The following CNTNAP2 variants were observed in gnomAD, a reference collection of about 807,000 sequenced individuals.
CNTNAP2 encodes the protein contactin-associated protein-like 2.
A neutral mutation model predicts 155.2 loss-of-function variants in CNTNAP2; 98 were observed. The observed-to-expected ratio is 0.63, with a 90% CI of 0.54 to 0.75. CNTNAP2 has a LOEUF of 0.75. CNTNAP2 is among the 30% of genes least tolerant of loss of function. The pLI is 0.00. For synonymous variants in CNTNAP2, 651 were observed against 631.2 expected (o/e 1.03, Z -0.47); for missense variants, 1,727 against 1,688.1 (o/e 1.02, Z -0.40).
chr7:146,648,331 G>A (rs144233295), intron 1 of CNTNAP2, among the ~76,000 whole-genome samples: 177 of 152,130 alleles, frequency 1.2e-3, no homozygotes, highest in African/African-American at 4.0e-3. Flanking sequence ...AGAAGTGAAC[G>A]TTTTCAAACT....
intron 9 of CNTNAP2, among the ~76,000 whole-genome samples, chr7:147,339,431 G>A (rs1484636867): frequency 6.6e-6 from 1 of 151,948 alleles, no homozygotes; most frequent in Non-Finnish European, 1.5e-5. Context: ...CTCCTCTTCT[G>A]CTTTCCACCA....
At chr7:146,501,420 C>T (rs1457184996) in intron 1 of CNTNAP2, among the ~76,000 whole-genome samples, 1 of 151,670 alleles carries the variant, frequency 6.6e-6, no homozygotes, top group Non-Finnish European at 1.5e-5. Flanking sequence ...CTAATTTTAC[C>T]TTTCTTCTTG....
intron 9 of CNTNAP2, among the ~76,000 whole-genome samples, chr7:147,303,814 C>T (rs1794983296): frequency 1.3e-5 from 2 of 152,196 alleles, no homozygotes; most frequent in South Asian, 4.1e-4. Flanking sequence ...TTGAGCCTTT[C>T]TTTTAACTCT....
chr7:147,238,160 GC>G (rs988438105), intron 8 of CNTNAP2, among the ~76,000 whole-genome samples: 3 of 152,066 alleles, frequency 2.0e-5, no homozygotes, highest in Non-Finnish European at 2.9e-5. Flanking sequence ...GACTACAGGC[GC>G]CCGCCACCAC....
intron 3 of CNTNAP2, among the ~76,000 whole-genome samples, chr7:146,884,391 G>A (rs1331989305): frequency 6.6e-6 from 1 of 152,128 alleles, no homozygotes; most frequent in Non-Finnish European, 1.5e-5. Flanking sequence ...TTGACAGGTA[G>A]CAATGGAATA....
chr7:146,514,285 C>A (rs563611354), intron 1 of CNTNAP2, among the ~76,000 whole-genome samples: 10 of 151,984 alleles, frequency 6.6e-5, no homozygotes, highest in Non-Finnish European at 1.2e-4. Context: ...TCTGGGTTTG[C>A]AAAGTTTTCT....
chr7:147,100,036 T>C (rs981936729), intron 4 of CNTNAP2, among the ~76,000 whole-genome samples: 5 of 152,220 alleles, frequency 3.3e-5, no homozygotes, highest in Non-Finnish European at 7.3e-5. Flanking sequence ...ATAACCCTGC[T>C]TAGAAATAGA....
At chr7:147,536,104 C>A (rs1799532863) in intron 11 of CNTNAP2, among the ~76,000 whole-genome samples, 1 of 152,190 alleles carries the variant, frequency 6.6e-6, no homozygotes, top group African/African-American at 2.4e-5. Context: ...CTACCCAAGA[C>A]AACTTTTAAA....
intron 1 of CNTNAP2, among the ~76,000 whole-genome samples, chr7:146,437,992 T>C (rs1357866693): frequency 6.6e-6 from 1 of 151,332 alleles, no homozygotes; most frequent in Non-Finnish European, 1.5e-5. Flanking sequence ...CCAGGGGTTG[T>C]TATGGAACAG....
intron 13 of CNTNAP2, among the ~76,000 whole-genome samples, chr7:147,871,796 C>T (rs144063573): frequency 5.3e-5 from 8 of 151,954 alleles, no homozygotes; most frequent in African/African-American, 9.6e-5. Context: ...CCGAATAGTT[C>T]GGGAATTTAT....
intron 13 of CNTNAP2, among the ~76,000 whole-genome samples, chr7:147,857,526 A>C (rs2116679675): frequency 1.3e-5 from 2 of 152,348 alleles, no homozygotes; most frequent in South Asian, 4.1e-4. Flanking sequence ...CATCAAAATA[A>C]ACCTGATAAA....
At chr7:147,993,873 C>T (rs1053779093) in intron 15 of CNTNAP2, among the ~76,000 whole-genome samples, 2 of 152,068 alleles carry the variant, frequency 1.3e-5, no homozygotes, top group Non-Finnish European at 2.9e-5. Context: ...CTCCTTCCTA[C>T]CTGTTTCCTT....
At chr7:147,027,051 A>C (rs1306998518) in intron 3 of CNTNAP2, among the ~76,000 whole-genome samples, 2 of 151,450 alleles carry the variant, frequency 1.3e-5, no homozygotes, top group South Asian at 4.2e-4. Context: ...TGCTTTGGAT[A>C]ACATTTTATG....
rs1585103285 is a variant in CNTNAP2 at position 146,814,781 on chromosome 7, G to A, written c.209-24930G>A. Among the ~76,000 whole-genome samples, 5 of 152,200 alleles carry A rather than the reference G, an allele frequency of 3.3e-5. No homozygotes were observed. The South Asian group carries it at 1.0e-3, about 32-fold the overall frequency. On this transcript the variant is annotated intron_variant, in intron 2 of 23. Coordinates refer to ENST00000361727, the MANE Select transcript of CNTNAP2 (RefSeq NM_014141.6). ...GTCACCCCAAAGAAATACAAATACA[G>A]TGTATTAGGTATGCAATATCCGCTT...
At chr7:147,524,435 G>C (rs572314138) in intron 11 of CNTNAP2, among the ~76,000 whole-genome samples, 1 of 152,166 alleles carries the variant, frequency 6.6e-6, no homozygotes, top group Admixed American at 6.5e-5. Context: ...CCCTGGCACT[G>C]TGCTAGGTCC....
chr7:148,127,591 T>A (rs1223786704), intron 16 of CNTNAP2, among the ~76,000 whole-genome samples: 1 of 152,216 alleles, frequency 6.6e-6, no homozygotes, highest in Non-Finnish European at 1.5e-5. Flanking sequence ...GATGCAGCCT[T>A]ATGCAATATA....
chr7:146,306,598 A>G (rs909840412), intron 1 of CNTNAP2, among the ~76,000 whole-genome samples: 7 of 152,176 alleles, frequency 4.6e-5, no homozygotes, highest in Non-Finnish European at 7.4e-5. Flanking sequence ...CAACATACAC[A>G]AATCAATAAA....
chr7:147,731,495 A>C (rs1255034291), intron 13 of CNTNAP2, among the ~76,000 whole-genome samples: 1 of 152,118 alleles, frequency 6.6e-6, no homozygotes, highest in Non-Finnish European at 1.5e-5. Context: ...ATACATAGAA[A>C]AAAAAAAGAT....
At chr7:148,131,223 C>A (rs918083082) in intron 16 of CNTNAP2, among the ~76,000 whole-genome samples, 1 of 151,564 alleles carries the variant, frequency 6.6e-6, no homozygotes, top group Non-Finnish European at 1.5e-5. Context: ...CTTGGCCTCC[C>A]GAGTAGCTGG....
Sources: gnomAD v4.1 joint callset for allele counts (sites outside exome capture counted in the v4.1 genomes callset) on GRCh38, gnomAD v4.1.1 for gene constraint, MANE v1.5 for transcripts, NCBI Gene and HGNC (gene_info 2026-07-23, HGNC 2026-07-21) for gene names.